Variants in NME7 observed in about 807,000 individuals in gnomAD.
NME7 encodes the protein NME/NM23 family member 7.
NME7 carries 41 observed loss-of-function variants against 49.1 expected under a neutral mutation model. The observed-to-expected ratio is 0.83, with a 90% CI of 0.65 to 1.08. The LOEUF (loss-of-function observed/expected upper bound fraction) is 1.08, where lower values mean the gene tolerates loss of function less well. Ranked by LOEUF, NME7 falls within the 50% of genes least tolerant of loss-of-function variation. NME7 has a pLI of 0.00. For synonymous variants in NME7, 139 were observed against 150.6 expected (o/e 0.92, Z 0.56); for missense variants, 423 against 463.4 (o/e 0.91, Z 0.80).
intron 7 of NME7, among the ~76,000 whole-genome samples, chr1:169,283,590 T>G (rs1157494040): frequency 6.6e-6 from 1 of 152,204 alleles, no homozygotes; most frequent in Non-Finnish European, 1.5e-5. Context: ...GTACTGGTTG[T>G]TCCTTTTCAT....
chr1:169,243,463 C>T (rs892047298), intron 7 of NME7, among the ~76,000 whole-genome samples: 2 of 152,174 alleles, frequency 1.3e-5, no homozygotes, highest in African/African-American at 2.4e-5. Context: ...ACATAATCCT[C>T]ACAACGCTGC....
chr1:169,248,258 T>C (rs1205591973), intron 7 of NME7, among the ~76,000 whole-genome samples: 7 of 152,150 alleles, frequency 4.6e-5, no homozygotes, highest in Non-Finnish European at 1.0e-4. Flanking sequence ...TTTTCATATG[T>C]TCTTTACCAT....
intron 7 of NME7, among the ~76,000 whole-genome samples, chr1:169,264,143 C>T (rs1649246009): frequency 1.5e-5 from 2 of 133,766 alleles, no homozygotes; most frequent in South Asian, 4.6e-4. Context: ...CACTACAAAA[C>T]ACACTTAAGT....
intron 10 of NME7, among the ~76,000 whole-genome samples, chr1:169,203,812 A>T (rs1660609783): frequency 6.6e-6 from 1 of 152,024 alleles, no homozygotes; most frequent in Admixed American, 6.6e-5. Context: ...AGGTATAATG[A>T]GATGTGTCTG....
chr1:169,367,703 C>T lies in NME7; in HGVS notation c.3+5G>A. Reference sequence around the variant, plus strand: ...GCCGTTCTTCTGGCATCCCCTGGCACTCACCATTGTCTCAGGATCTCAGCA... The same window carrying T: ...GCCGTTCTTCTGGCATCCCCTGGCATTCACCATTGTCTCAGGATCTCAGCA... On this transcript the variant is annotated splice_donor_5th_base_variant and intron_variant, in intron 1 of 11. Transcript: ENST00000367811. The T allele has an allele frequency of 6.2e-7, 1 of 1,614,192 alleles. No individual in the cohort carries two copies. The highest frequency in any genetic ancestry group is 8.5e-7 in the Non-Finnish European group (1 of 1,180,030).
At chr1:169,341,314 G>T (rs925191092) in intron 1 of NME7, among the ~76,000 whole-genome samples, 2 of 152,252 alleles carry the variant, frequency 1.3e-5, no homozygotes, top group East Asian at 3.8e-4. Flanking sequence ...CCGACACATG[G>T]TGTTGGGATT....
At chr1:169,342,533 TACATATATATAGTATATATATATATAC>T (rs1459191226) in intron 1 of NME7, among the ~76,000 whole-genome samples, 8 of 127,382 alleles carry the variant, frequency 6.3e-5, no homozygotes, top group African/African-American at 2.0e-4. Context: ...TATATACAAG[TACATATATATAGTATATATATATATAC>T]AAGTACATAT....
chr1:169,270,281 T>C (rs1267762048), intron 7 of NME7, among the ~76,000 whole-genome samples: 2 of 134,082 alleles, frequency 1.5e-5, no homozygotes, highest in Admixed American at 1.5e-4. Flanking sequence ...AGGGTTCTAC[T>C]ACTCAATAAA....
At chr1:169,221,500 T>C (rs1224758396) in intron 10 of NME7, among the ~76,000 whole-genome samples, 1 of 152,158 alleles carries the variant, frequency 6.6e-6, no homozygotes, top group African/African-American at 2.4e-5. Flanking sequence ...TCCTTCTGCC[T>C]AGGATGCTCT....
Position 169,289,875 on chromosome 1 carries a change from C to CA in NME7, c.649-2468dup, listed in dbSNP as rs1650432165. 2.6e-5 allele frequency among the ~76,000 whole-genome samples: 4 copies of CA among 151,970 alleles called. No homozygotes were observed. In the South Asian group the frequency reaches 8.3e-4, roughly 31 times the overall value. On this transcript the variant is annotated intron_variant, in intron 6 of 11. Transcript: ENST00000367811. Reference sequence around the variant, plus strand: ...CAATTAATTCAAAGTCTTTATAAAACAAAGTCACAAAAATAATATCCAGGC... The same window carrying CA: ...CAATTAATTCAAAGTCTTTATAAAACAAAAGTCACAAAAATAATATCCAGGC...
intron 1 of NME7, among the ~76,000 whole-genome samples, chr1:169,361,723 T>C (rs550663887): frequency 6.7e-6 from 1 of 149,198 alleles, no homozygotes; most frequent in African/African-American, 2.5e-5. Flanking sequence ...GAGGTTGCAG[T>C]GAGTGGAAAT....
chr1:169,276,311 T>C (rs1649725268), intron 7 of NME7, among the ~76,000 whole-genome samples: 1 of 133,694 alleles, frequency 7.5e-6, no homozygotes, highest in African/African-American at 2.5e-5. Flanking sequence ...TGAATCCATC[T>C]GGTCCTGGAC....
intron 10 of NME7, among the ~76,000 whole-genome samples, chr1:169,176,146 T>A (rs1390005497): frequency 6.6e-6 from 1 of 152,134 alleles, no homozygotes; most frequent in Non-Finnish European, 1.5e-5. Flanking sequence ...TCCTGGGAGA[T>A]AAGCAATGTC....
At chr1:169,271,319 A>G (rs1649485017) in intron 7 of NME7, among the ~76,000 whole-genome samples, 1 of 133,504 alleles carries the variant, frequency 7.5e-6, no homozygotes, top group Non-Finnish European at 1.8e-5. Context: ...TGGCTTCAGG[A>G]ACTTCCCAAA....
intron 10 of NME7, among the ~76,000 whole-genome samples, chr1:169,213,626 A>G (rs796310205): frequency 5.9e-5 from 9 of 152,116 alleles, no homozygotes; most frequent in African/African-American, 2.2e-4. Context: ...TAACCAACTA[A>G]TCTTTAAACA....
intron 11 of NME7, among the ~76,000 whole-genome samples, chr1:169,161,778 A>G (rs1393060305): frequency 6.6e-6 from 1 of 152,144 alleles, no homozygotes; most frequent in Non-Finnish European, 1.5e-5. Context: ...TTGTAAAACT[A>G]ATGAAAAGCC....
chr1:169,175,092 A>G (rs535080470), intron 10 of NME7, among the ~76,000 whole-genome samples: 1 of 152,140 alleles, frequency 6.6e-6, no homozygotes, highest in African/African-American at 2.4e-5. Context: ...CTTTCTTTAC[A>G]TCATTATTCT....
At chr1:169,164,137 CT>C (rs1425436725) in intron 11 of NME7, among the ~76,000 whole-genome samples, 1 of 151,170 alleles carries the variant, frequency 6.6e-6, no homozygotes, top group Admixed American at 6.6e-5. Flanking sequence ...ATTAGAATCT[CT>C]GGGGGTGAGT....
intron 10 of NME7, among the ~76,000 whole-genome samples, chr1:169,222,872 T>C (rs12145969): frequency 0.38 from 57,334 of 152,046 alleles, 11,526 homozygotes; most frequent in East Asian, 0.79. Context: ...AAGTTGCTAA[T>C]CTGATGCTCC....
Sources: allele counts gnomAD v4.1 joint callset (sites outside exome capture counted in the v4.1 genomes callset), GRCh38; gene constraint gnomAD v4.1.1; transcripts MANE v1.5; gene names NCBI Gene and HGNC (gene_info 2026-07-23, HGNC 2026-07-21).